NHSL1: variants seen among roughly 807,000 people sequenced by gnomAD.
NHSL1 encodes NHS-like protein 1.
In NHSL1, 48 loss-of-function variants were observed where a neutral mutation model predicts 95.0. That is an observed-to-expected ratio of 0.51 (90% CI 0.40 to 0.64). The LOEUF (loss-of-function observed/expected upper bound fraction) is 0.64. Ranked by LOEUF, NHSL1 falls within the 30% of genes least tolerant of loss-of-function variation. The pLI is 0.00. For synonymous variants in NHSL1, 783 were observed against 833.9 expected (o/e 0.94, Z 1.05); for missense variants, 1,971 against 2,077.7 (o/e 0.95, Z 1.00).
At chr6:138,546,213 T>C (rs1445651927), upstream of NHSL1, among the ~76,000 whole-genome samples, 1 of 151,768 alleles carries the variant, frequency 6.6e-6, no homozygotes, top group Non-Finnish European at 1.5e-5. Flanking sequence ...TCTACGTAAA[T>C]GAGTGAATAT....
chr6:138,579,233 C>A (rs1012242565), intron 1 of NHSL1, among the ~76,000 whole-genome samples: 1 of 152,172 alleles, frequency 6.6e-6, no homozygotes, highest in Non-Finnish European at 1.5e-5. Context: ...GGGACCCCTG[C>A]CTTATAATGC....
intron 1 of NHSL1, among the ~76,000 whole-genome samples, chr6:138,584,749 G>A (rs1415074232): frequency 6.6e-6 from 1 of 152,186 alleles, no homozygotes; most frequent in Non-Finnish European, 1.5e-5. Context: ...AAAGAAGGAC[G>A]AAGTACCTCT....
At chr6:138,670,388 C>G (rs1245366769) in intron 1 of NHSL1, among the ~76,000 whole-genome samples, 2 of 150,408 alleles carry the variant, frequency 1.3e-5, no homozygotes, top group Non-Finnish European at 2.9e-5. Flanking sequence ...AAAAAAAGGC[C>G]GGGCGCGGTG....
intron 1 of NHSL1, among the ~76,000 whole-genome samples, chr6:138,591,996 G>T (rs1239870529): frequency 1.3e-5 from 2 of 152,118 alleles, no homozygotes; most frequent in Non-Finnish European, 2.9e-5. Context: ...AAAGGGAGAC[G>T]ACTGTAACTT....
At chr6:138,645,297 T>C (rs1378735012) in intron 1 of NHSL1, among the ~76,000 whole-genome samples, 1 of 152,068 alleles carries the variant, frequency 6.6e-6, no homozygotes, top group Non-Finnish European at 1.5e-5. Flanking sequence ...CACTCAGCAC[T>C]CTGGCCTTTC....
rs185429821 is a variant in NHSL1, at chr6:138,467,434, A to G, written c.339+5872T>C. ...CCCAAAGTGCTGGGATTACAGGCGT[A>G]AGCCACCACGCCCGGCCAGTATTTT... On this transcript the variant is annotated intron_variant, in intron 3 of 7. Coordinates refer to ENST00000343505, the MANE Select transcript of NHSL1 (RefSeq NM_001144060.2). Among the ~76,000 whole-genome samples, 821 of 152,308 alleles carry G rather than the reference A, an allele frequency of 5.4e-3. 12 individuals are homozygous for G. The highest frequency in any genetic ancestry group is 0.019 in the African/African-American group (773 of 41,574).
intron 1 of NHSL1, among the ~76,000 whole-genome samples, chr6:138,526,281 G>A (rs78679903): frequency 0.049 from 7,409 of 151,982 alleles, 227 homozygotes; most frequent in Admixed American, 0.1. Flanking sequence ...TTAGGAGTTC[G>A]GAGCCAGCCT....
intron 1 of NHSL1, among the ~76,000 whole-genome samples, chr6:138,532,755 A>T (rs1027288212): frequency 3.3e-5 from 5 of 152,188 alleles, no homozygotes; most frequent in Admixed American, 2.6e-4. Context: ...TTCCTAGGTT[A>T]GGGGTCTTTC....
chr6:138,643,616 C>T (rs904783090), intron 1 of NHSL1, among the ~76,000 whole-genome samples: 56 of 152,164 alleles, frequency 3.7e-4, no homozygotes, highest in African/African-American at 1.2e-3. Flanking sequence ...GAACCTCTGA[C>T]AAATAGTATG....
chr6:138,690,627 G>A (rs1482130195), intron 1 of NHSL1, among the ~76,000 whole-genome samples: 1 of 152,116 alleles, frequency 6.6e-6, no homozygotes, highest in East Asian at 1.9e-4. Flanking sequence ...TGTAATCCCA[G>A]GTACTCTAGA....
intron 1 of NHSL1, among the ~76,000 whole-genome samples, chr6:138,529,843 G>A (rs1033930615): frequency 1.3e-5 from 2 of 152,170 alleles, no homozygotes; most frequent in Admixed American, 6.5e-5. Context: ...CCTTGGGTAA[G>A]GTCATTGATT....
upstream of NHSL1, among the ~76,000 whole-genome samples, chr6:138,548,738 C>T (rs1388433036): frequency 6.6e-6 from 1 of 152,138 alleles, no homozygotes; most frequent in African/African-American, 2.4e-5. Context: ...CTATTAGGTA[C>T]ATTATGTCAG....
At chr6:138,538,540 A>T (rs1782452308) in intron 1 of NHSL1, among the ~76,000 whole-genome samples, 1 of 152,028 alleles carries the variant, frequency 6.6e-6, no homozygotes, top group Non-Finnish European at 1.5e-5. Context: ...ACCACACATT[A>T]AGTCACTGTT....
chr6:138,496,135 G>C (rs1464475042), intron 2 of NHSL1, 84 bp downstream of exon 2: 1 of 1,366,016 alleles, frequency 7.3e-7, no homozygotes, highest in African/African-American at 1.5e-5. Context: ...TAAAAGTAGA[G>C]CTGGTTTTAT....
chr6:138,635,950 T>TA (rs930630887), intron 1 of NHSL1, among the ~76,000 whole-genome samples: 5,908 of 94,246 alleles, frequency 0.063, 210 homozygotes, highest in African/African-American at 0.11. Flanking sequence ...CCGTCTCTAC[T>TA]AAAAAAAAAA....
At chr6:138,614,602 G>A (rs901598051) in intron 1 of NHSL1, among the ~76,000 whole-genome samples, 3 of 152,086 alleles carry the variant, frequency 2.0e-5, no homozygotes, top group Non-Finnish European at 2.9e-5. Flanking sequence ...CATTTCAACC[G>A]AGGAAACTGA....
chr6:138,505,385 G>A (rs1160892080), intron 1 of NHSL1, among the ~76,000 whole-genome samples: 2 of 152,146 alleles, frequency 1.3e-5, no homozygotes, highest in African/African-American at 4.8e-5. Context: ...GCTGGGCATG[G>A]TGACTCATGC....
intron 3 of NHSL1, among the ~76,000 whole-genome samples, chr6:138,463,278 TTCC>T: frequency 2.0e-5 from 3 of 152,142 alleles, no homozygotes; most frequent in African/African-American, 7.2e-5. Context: ...ATCATGTTAC[TTCC>T]CTGCTCAACT....
Position 138,431,968 on chromosome 6 carries a change from G to A in NHSL1, c.2377C>T (p.Pro793Ser). The A allele has an allele frequency of 1.3e-6, 2 of 1,551,740 alleles. No individual in the cohort carries two copies. The highest frequency in any genetic ancestry group is 1.7e-6 in the Non-Finnish European group (2 of 1,147,002). ...YIDYTGMQED[P>S]GNPAGGCSTS... ...GAACAGCCCCCTGCCGGGTTCCCCG[G>A]ATCTTCCTGCATGCCCGTGTAGTCA... is the stretch of plus-strand genomic sequence containing the variant. The change falls in exon 6 of 8, where the codon CCG becomes TCG. Residue 793 changes from proline (P) to serine (S), a missense_variant. By Grantham distance (74) the Pro-to-Ser change is moderately conservative. Coordinates refer to ENST00000343505, the MANE Select transcript of NHSL1 (RefSeq NM_001144060.2). This position sits in a 1 kb window ranked among gnomAD's most constrained non-coding sequence, Gnocchi z 4.0.
Sources: allele counts gnomAD v4.1 joint callset (sites outside exome capture counted in the v4.1 genomes callset), GRCh38; gene constraint gnomAD v4.1.1; non-coding constraint Gnocchi (gnomAD v3.1); transcripts MANE v1.5; gene names NCBI Gene and HGNC (gene_info 2026-07-23, HGNC 2026-07-21).